Variants in DIDO1 observed in about 807,000 individuals in gnomAD.
DIDO1 encodes the protein death-inducer obliterator 1.
In DIDO1, 16 loss-of-function variants were observed where a neutral mutation model predicts 99.4. That is an observed-to-expected ratio of 0.16 (90% CI 0.11 to 0.24). DIDO1 has a LOEUF of 0.24. Ranked by LOEUF, DIDO1 falls within the 10% of genes least tolerant of loss-of-function variation. The pLI is 1.00. For missense variants in DIDO1, 2,996 were observed against 3,014.0 expected (o/e 0.99, Z 0.14); for synonymous variants, 1,366 against 1,239.1 (o/e 1.10, Z -2.15).
At position 62,891,144 on chromosome 20, in the gene DIDO1, C is replaced by G. The variant is rs2064388972; in HGVS notation, c.3357G>C (p.Leu1119=). Residue 1119 remains leucine, a synonymous_variant, in exon 15 of 16, where the codon CTG becomes CTC. Coordinates refer to ENST00000395343, the MANE Select transcript of DIDO1 (RefSeq NM_001193369.2). ...CCTCTGTGGCGGGGTGGAAGCGGAT[C>G]AGACAGAGCTCCTGCAATGGAAGAG... ...LKSSVSKELC[L]IRFHPATEEE... is the part of the protein sequence containing the mutation. 6.2e-7 allele frequency: 1 copy of G among 1,613,892 alleles called. No individual in the cohort carries two copies. The highest frequency in any genetic ancestry group is 1.3e-5 in the African/African-American group (1 of 74,934).
chr20:62,926,296 C>T (rs1190766528), intron 1 of DIDO1, 143 bp downstream of exon 1: 1 of 151,820 alleles, frequency 6.6e-6, no homozygotes, highest in East Asian at 1.9e-4. Flanking sequence ...CCGCGGCCGC[C>T]ATCTTCTCGG....
Position 62,894,868 on chromosome 20 carries a change from G to C in DIDO1, c.2378C>G (p.Ala793Gly), listed in dbSNP as rs750077. 3.7e-3 allele frequency: 5,920 copies of C among 1,614,140 alleles called. 211 individuals carry two copies. The Admixed American group carries it at 0.068, about 19-fold the overall frequency. Residue 793 changes from alanine (A) to glycine (G), a missense_variant, in exon 10 of 16, where the codon GCC (alanine) becomes GGC (glycine). Transcript: ENST00000395343. This position sits in a 1 kb window ranked among gnomAD's most constrained non-coding sequence, Gnocchi z 4.4. ...ATCGGGGATGGCCTCCTGCCTGGGGGCCGTCTTCTTGCTTTCATTGTGCAG... is the reference window on the plus strand; with the variant it reads ...ATCGGGGATGGCCTCCTGCCTGGGGCCCGTCTTCTTGCTTTCATTGTGCAG... ...TKLHNESKKT[A>G]PRQEAIPDLE...
chr20:62,904,780 C>CAGAAAAAAAAAAA (rs1872548014), intron 6 of DIDO1, among the ~76,000 whole-genome samples: 1 of 62,610 alleles, frequency 1.6e-5, no homozygotes, highest in Non-Finnish European at 3.4e-5. Flanking sequence ...ACTCTTGTCT[C>CAGAAAAAAAAAAA]AAAAAAAAAA....
At chr20:62,918,427 G>C (rs1401927237) in intron 1 of DIDO1, among the ~76,000 whole-genome samples, 1 of 152,206 alleles carries the variant, frequency 6.6e-6, no homozygotes, top group African/African-American at 2.4e-5. Flanking sequence ...GAGCCACAGT[G>C]CCCAGCTCCC....
intron 15 of DIDO1, 81 bp from the exon 16 acceptor site, chr20:62,882,495 T>C: frequency 7.4e-7 from 1 of 1,343,680 alleles, no homozygotes; most frequent in African/African-American, 1.5e-5. Flanking sequence ...TTAAGGGCTT[T>C]CACGGGGAAC....
At chr20:62,924,113 TGTTA>T (rs763910611) in intron 1 of DIDO1, among the ~76,000 whole-genome samples, 3 of 152,246 alleles carry the variant, frequency 2.0e-5, no homozygotes, top group Non-Finnish European at 2.9e-5. Context: ...TTCCATTAAC[TGTTA>T]ATTATAGAAC....
At chr20:62,917,031 CATT>C in intron 1 of DIDO1, among the ~76,000 whole-genome samples, 1 of 152,058 alleles carries the variant, frequency 6.6e-6, no homozygotes, top group African/African-American at 2.4e-5. Flanking sequence ...ATAAAACAAA[CATT>C]TTTTTTCCTG....
intron 8 of DIDO1, 93 bp from the exon 9 acceptor site, chr20:62,895,258 C>A: frequency 1.7e-6 from 2 of 1,208,578 alleles, no homozygotes; most frequent in Non-Finnish European, 2.4e-6. Context: ...AGAAGTTTAG[C>A]GGGCACAGGA....
chr20:62,888,064 G>A (rs765626520), intron 15 of DIDO1: 22 of 985,438 alleles, frequency 2.2e-5, no homozygotes, highest in African/African-American at 3.5e-5. Flanking sequence ...CTCACTGCCC[G>A]ACAAGGGCCA....
At chr20:62,935,517 G>A (rs578149470) in intron 1 of DIDO1, among the ~76,000 whole-genome samples, 1 of 152,276 alleles carries the variant, frequency 6.6e-6, no homozygotes, top group African/African-American at 2.4e-5. Context: ...AGCTTTGTTA[G>A]GGAAGACTTC....
intron 6 of DIDO1, chr20:62,905,212 C>G (rs960379335): frequency 1.7e-6 from 2 of 1,154,378 alleles, no homozygotes; most frequent in African/African-American, 3.1e-5. Context: ...GTCCAAGGCA[C>G]GCGTCCTGCG....
upstream of DIDO1, among the ~76,000 whole-genome samples, chr20:62,927,945 A>G (rs1361255293): frequency 6.6e-6 from 1 of 152,110 alleles, no homozygotes; most frequent in Non-Finnish European, 1.5e-5. Context: ...GGAAGCTTAG[A>G]AGACAGACGG....
rs532849198 is a variant in DIDO1, at chr20:62,907,457, C to G, written c.1162-98G>C. On this transcript the variant is annotated intron_variant, in intron 4 of 15. Coordinates refer to ENST00000395343, the MANE Select transcript of DIDO1 (RefSeq NM_001193369.2). ...ATCACCATTTATAGTACCAAGGCCA[C>G]AGTTTCAAAATGAGATACTAACAGT... 131 of 1,170,902 alleles carry G rather than the reference C, an allele frequency of 1.1e-4. No homozygotes were observed. The African/African-American group carries it at 1.7e-3, about 15-fold the overall frequency. 72.5% of individuals were successfully genotyped at this position (1,170,902 alleles called of 1,614,324 possible). A position where few individuals can be genotyped will look rare whatever the true frequency, so the allele number is the denominator to read the frequency against.
rs1262224851 is a variant in DIDO1, at chr20:62,910,988, C to T, written c.625G>A (p.Val209Met). 12 of 1,613,986 alleles carry T rather than the reference C, an allele frequency of 7.4e-6. No individual in the cohort carries two copies. Among genetic ancestry groups the T allele is most frequent in the African/African-American group, 2.7e-5 (2 of 74,918 alleles). ...ETVGSEASDT[V>M]EGVLPSKQEP... The stretch of plus-strand genomic sequence containing the variant: ...TGCTTACTGGGCAGGACGCCCTCCA[C>T]AGTGTCACTGGCCTCGGAGCCCACA... Residue 209 changes from valine to methionine, a missense_variant, in exon 3 of 16, where the codon GTG becomes ATG. Val to Met is a conservative substitution (Grantham distance 21). Transcript: ENST00000395343.
At chr20:62,935,228 C>A in intron 1 of DIDO1, among the ~76,000 whole-genome samples, 1 of 152,222 alleles carries the variant, frequency 6.6e-6, no homozygotes, top group East Asian at 1.9e-4. Flanking sequence ...CCAAGGACTG[C>A]TCATTTCCAT....
At chr20:62,927,799 C>T (rs376356973), upstream of DIDO1, among the ~76,000 whole-genome samples, 1 of 152,192 alleles carries the variant, frequency 6.6e-6, no homozygotes, top group Non-Finnish European at 1.5e-5. Context: ...AGGAATACAA[C>T]GCAGCTTGTT....
At position 62,881,389 on chromosome 20, in the gene DIDO1, G is replaced by A; in HGVS notation, c.4567C>T (p.Pro1523Ser). ...HFSVSDALMSPPPKSSLPKAE... is the reference protein window; with the variant it reads ...HFSVSDALMSSPPKSSLPKAE... ...TTGGGCAAGGACGACTTTGGTGGTG[G>A]AGACATCAAGGCGTCCGACACCGAG... Residue 1523 changes from proline to serine, a missense_variant, in exon 16 of 16, where the codon CCA (proline) becomes TCA (serine). Coordinates refer to ENST00000395343, the MANE Select transcript of DIDO1 (RefSeq NM_001193369.2). This position sits in a 1 kb window ranked among gnomAD's most constrained non-coding sequence, Gnocchi z 8.3. 1.9e-6 allele frequency: 3 copies of A among 1,606,774 alleles called. No individual in the cohort carries two copies. Among genetic ancestry groups the A allele is most frequent in the Non-Finnish European group, 1.7e-6 (2 of 1,179,832 alleles).
upstream of DIDO1, chr20:62,929,254 A>C (rs1298148248): frequency 3.3e-5 from 5 of 151,646 alleles, no homozygotes; most frequent in African/African-American, 1.2e-4. Flanking sequence ...TCAGAGAGGC[A>C]GCGGCCAAGG....
rs1444433885 is a variant in DIDO1 at position 62,896,808 on chromosome 20, T to C, written c.1777A>G (p.Thr593Ala). 1.9e-6 allele frequency: 3 copies of C among 1,614,056 alleles called. No individual in the cohort carries two copies. In the Admixed American group the frequency reaches 5.0e-5, roughly 27 times the overall value. ...GAGAGCCATGGCCTCTTGGGGATGG[T>C]GCCCTTGAAACCTGAGGGTGGCTTT... ...IKKPPSGFKG[T>A]IPKRPWLSAT... The change falls in exon 7 of 16, where the codon ACC becomes GCC. Residue 593 changes from threonine (T) to alanine (A), a missense_variant. This residue lies in a region of DIDO1 where 898 missense variants were observed against 972.7 expected (regional missense o/e 0.92). Coordinates refer to ENST00000395343, the MANE Select transcript of DIDO1 (RefSeq NM_001193369.2). This position sits in a 1 kb window ranked among gnomAD's most constrained non-coding sequence, Gnocchi z 4.4.
Sources: allele counts gnomAD v4.1 joint callset (sites outside exome capture counted in the v4.1 genomes callset), GRCh38; gene constraint gnomAD v4.1.1; regional missense constraint gnomAD v4.1.1; non-coding constraint Gnocchi (gnomAD v3.1); transcripts MANE v1.5; gene names NCBI Gene and HGNC (gene_info 2026-07-23, HGNC 2026-07-21).